The following GNAS variants were observed in gnomAD, a reference collection of about 807,000 sequenced individuals.
GNAS encodes the protein GNAS complex locus, also known as protein ALEX.
Under a neutral mutation model 54.5 loss-of-function variants are expected in GNAS, and 8 were observed. That is an observed-to-expected ratio of 0.15 (90% CI 0.09 to 0.26). The LOEUF (loss-of-function observed/expected upper bound fraction) is 0.26. Ranked by LOEUF, GNAS falls within the 10% of genes least tolerant of loss-of-function variation. The pLI, the probability that GNAS is intolerant of heterozygous loss-of-function variation, is 1.00. For synonymous variants in GNAS, 204 were observed against 191.4 expected (o/e 1.07, Z -0.54); for missense variants, 170 against 529.8 (o/e 0.32, Z 6.67).
chr20:58,882,883 A>C (rs763820713), intron 1 of GNAS: 6 of 152,180 alleles, frequency 3.9e-5, no homozygotes, highest in African/African-American at 9.7e-5. Context: ...ATGAGAAGTT[A>C]GATTTTCTTC....
chr20:58,893,075 T>C (rs1242726439), intron 1 of GNAS, among the ~76,000 whole-genome samples: 1 of 134,158 alleles, frequency 7.5e-6, no homozygotes, highest in Non-Finnish European at 1.6e-5. Flanking sequence ...TCTTTTTTTT[T>C]TTTTTTTTTT....
chr20:58,879,267 A>G (rs2088060696), intron 1 of GNAS, among the ~76,000 whole-genome samples: 1 of 152,264 alleles, frequency 6.6e-6, no homozygotes, highest in Non-Finnish European at 1.5e-5. Context: ...GCACAAAGCC[A>G]AATAAATGGG....
chr20:58,841,727 T>TTGAAC lies in GNAS; in HGVS notation c.43+842_43+846dup. On this transcript the variant is annotated intron_variant, in intron 1 of 12. Coordinates refer to the GNAS transcript ENST00000306090. The surrounding 1 kb of genome is among the most constrained non-coding windows in gnomAD (Gnocchi z 5.0). ...GGGATGCCCCTACGGGCTACCAGGG[T>TTGAAC]TGAACGCACAGGCATGGTCACGTCG... is the stretch of plus-strand genomic sequence containing the variant. 1 of 1,223,006 alleles carries TTGAAC rather than the reference T, an allele frequency of 8.2e-7. No individual in the cohort carries two copies. The highest frequency in any genetic ancestry group is 1.0e-6 in the Non-Finnish European group (1 of 982,768). The allele number at this position is 1,223,006 out of a possible 1,614,324, so 75.8% of individuals were successfully genotyped here. A position where few individuals can be genotyped will look rare whatever the true frequency, so the allele number is the denominator to read the frequency against.
intron 1 of GNAS, among the ~76,000 whole-genome samples, chr20:58,877,991 A>C (rs575779725): frequency 1.3e-5 from 2 of 152,300 alleles, no homozygotes; most frequent in African/African-American, 4.8e-5. Context: ...AAGGGAGCAG[A>C]GAGGGCGGAA....
At chr20:58,894,839 C>CT (rs1032688927) in intron 1 of GNAS, among the ~76,000 whole-genome samples, 9 of 152,282 alleles carry the variant, frequency 5.9e-5, no homozygotes, top group Admixed American at 5.2e-4. Flanking sequence ...TTACCTAATG[C>CT]TAATAGGGTC....
At chr20:58,902,600 T>C (rs1390529265) in intron 3 of GNAS, among the ~76,000 whole-genome samples, 5 of 152,034 alleles carry the variant, frequency 3.3e-5, no homozygotes, top group Non-Finnish European at 7.4e-5. Context: ...CCCCTTAGAT[T>C]ATAAGGCCTT....
intron 1 of GNAS, chr20:58,850,679 A>G: frequency 2.5e-6 from 1 of 398,898 alleles, no homozygotes; most frequent in Non-Finnish European, 4.4e-6. Flanking sequence ...CGGCAGTGGC[A>G]CCCCGTTGGC....
At chr20:58,842,067 C>A in intron 1 of GNAS, 1 of 435,690 alleles carries the variant, frequency 2.3e-6, no homozygotes, top group African/African-American at 2.0e-5. Context: ...GGAGGGGAGG[C>A]GAGGCGGCGT....
chr20:58,898,468 C>G (rs892001521), intron 2 of GNAS: 2 of 168,022 alleles, frequency 1.2e-5, no homozygotes, highest in African/African-American at 4.8e-5. Context: ...GAAGTGAGGT[C>G]ATTAGTTTTG....
intron 1 of GNAS, among the ~76,000 whole-genome samples, chr20:58,871,197 C>A (rs530571544): frequency 6.6e-6 from 1 of 152,176 alleles, no homozygotes; most frequent in African/African-American, 2.4e-5. Context: ...TTTGAAATCC[C>A]GGGGTCCTTG....
In GNAS at chr20:58,841,572, G is replaced by A. The variant is rs536053674; in HGVS notation, c.43+686G>A. On this transcript the variant is annotated intron_variant, in intron 1 of 12. Transcript: ENST00000306090. This position sits in a 1 kb window ranked among gnomAD's most constrained non-coding sequence, Gnocchi z 5.0. ...TGGCCGCCACAGCCCGCCTCCCGTCGCTCGCGGGACAGAGACCGCCTCAAA... is the reference window on the plus strand; with the variant it reads ...TGGCCGCCACAGCCCGCCTCCCGTCACTCGCGGGACAGAGACCGCCTCAAA... The A allele has an allele frequency of 1.0e-5, 10 of 1,003,542 alleles. No homozygotes were observed. The South Asian group carries it at 4.7e-4, about 47-fold the overall frequency. The allele number at this position is 1,003,542 out of a possible 1,614,324, so 62.2% of individuals were successfully genotyped here.
In GNAS at chr20:58,909,472, C is replaced by G. The variant is rs1265574957; in HGVS notation, c.659+49C>G. On this transcript the variant is annotated intron_variant, in intron 8 of 12. Transcript: ENST00000371085. The surrounding 1 kb of genome is among the most constrained non-coding windows in gnomAD (Gnocchi z 7.3). ...TATAACAGAGATCATGGTTTCTTGA[C>G]ATTCACCCCAGTCCCTCTGGAATAA... is the stretch of plus-strand genomic sequence containing the variant. The G allele has an allele frequency of 6.2e-7, 1 of 1,609,854 alleles. No individual in the cohort carries two copies. Among genetic ancestry groups the G allele is most frequent in the African/African-American group, 1.3e-5 (1 of 74,944 alleles).
At position 58,892,226 on chromosome 20, in the gene GNAS, G is replaced by A. The variant is rs576931401; in HGVS notation, c.139+361G>A. On this transcript the variant is annotated intron_variant, in intron 1 of 12. Transcript: ENST00000371085. Reference sequence around the variant, plus strand: ...GGGGTTTGGGTGCGTGTTGGGGAGGGGGAGGGGGAGCCCATGGGGCTCCGG... The same window carrying A: ...GGGGTTTGGGTGCGTGTTGGGGAGGAGGAGGGGGAGCCCATGGGGCTCCGG... The A allele has an allele frequency of 5.4e-5, 52 of 968,008 alleles. No individual in the cohort carries two copies. In the South Asian group the frequency reaches 1.0e-3, roughly 19 times the overall value. The allele number at this position is 968,008 out of a possible 1,614,324, so 60.0% of individuals were successfully genotyped here. A position where few individuals can be genotyped will look rare whatever the true frequency, so the allele number is the denominator to read the frequency against.
chr20:58,896,857 G>A (rs1185373926), intron 2 of GNAS, among the ~76,000 whole-genome samples: 1 of 152,060 alleles, frequency 6.6e-6, no homozygotes, highest in Non-Finnish European at 1.5e-5. Context: ...CAAGGTGGTA[G>A]CGTTTAATTA....
intron 1 of GNAS, among the ~76,000 whole-genome samples, chr20:58,850,106 G>A (rs960619376): frequency 6.6e-6 from 1 of 152,052 alleles, no homozygotes; most frequent in Non-Finnish European, 1.5e-5. Flanking sequence ...TTTGTTCGTG[G>A]TGGGCAAACC....
At chr20:58,896,568 C>T (rs770046907) in intron 2 of GNAS, among the ~76,000 whole-genome samples, 1 of 151,778 alleles carries the variant, frequency 6.6e-6, no homozygotes, top group African/African-American at 2.4e-5. Flanking sequence ...ACTTGCTTTT[C>T]TCCCCAAGAC....
chr20:58,888,314 G>A (rs1334595056), upstream of GNAS: 8 of 152,128 alleles, frequency 5.3e-5, no homozygotes, highest in Admixed American at 3.9e-4. Flanking sequence ...GAACTGGCAG[G>A]CACCAAACAT....
At chr20:58,843,884 C>G (rs1260267136) in intron 1 of GNAS, 2 of 152,126 alleles carry the variant, frequency 1.3e-5, no homozygotes, top group African/African-American at 4.8e-5. Flanking sequence ...GTTTTGCAAA[C>G]AAAACTCTTT....
At chr20:58,855,555 GA>G in intron 1 of GNAS, 1 of 718,688 alleles carries the variant, frequency 1.4e-6, no homozygotes, top group Non-Finnish European at 2.6e-6. Flanking sequence ...GCCCTCCAGG[GA>G]GAAAAGTGGT....
Sources: allele counts gnomAD v4.1 joint callset (sites outside exome capture counted in the v4.1 genomes callset), GRCh38; gene constraint gnomAD v4.1.1; non-coding constraint Gnocchi (gnomAD v3.1); transcripts MANE v1.5; gene names NCBI Gene and HGNC (gene_info 2026-07-23, HGNC 2026-07-21).